The following CAPS2 variants were observed in gnomAD, a reference collection of about 807,000 sequenced individuals.
The protein encoded by CAPS2 is calcyphosine 2, also known as calcyphosin-2.
A neutral mutation model predicts 86.5 loss-of-function variants in CAPS2; 98 were observed. The observed-to-expected ratio is 1.13, with a 90% confidence interval of 0.96 to 1.34. The LOEUF (loss-of-function observed/expected upper bound fraction) is 1.34, where lower values mean the gene tolerates loss of function less well. Among genes scored for constraint, CAPS2 ranks in the 40% most tolerant of loss-of-function variants. CAPS2 has a pLI of 0.00. For missense variants in CAPS2, 729 were observed against 686.8 expected, an observed-to-expected ratio of 1.06 and a Z score of -0.69; for synonymous variants, 210 against 225.1, an observed-to-expected ratio of 0.93 and a Z score of 0.60.
chr12:75,340,140 T>C (rs1483890237), intron 1 of CAPS2, among the ~76,000 whole-genome samples: 2 of 149,824 alleles, frequency 1.3e-5, no homozygotes, highest in Non-Finnish European at 3.0e-5. Context: ...TACACACATA[T>C]ATATAAAATA....
Position 75,388,221 on chromosome 12 carries a change from A to T in CAPS2, c.-395+2617T>A, listed in dbSNP as rs552450337. ...GGTCTCTTGGCTGCCACCATGTAAGATGTCCCTTTGCTCCTCCTTCGTCTT... is the reference window on the plus strand; with the variant it reads ...GGTCTCTTGGCTGCCACCATGTAAGTTGTCCCTTTGCTCCTCCTTCGTCTT... On this transcript the variant is annotated intron_variant, in intron 1 of 5. Transcript: ENST00000551829. Among the ~76,000 whole-genome samples, 3 of 152,206 alleles carry T rather than the reference A, an allele frequency of 2.0e-5. No individual in the cohort carries two copies. In the East Asian group the frequency reaches 5.8e-4, roughly 29 times the overall value.
At chr12:75,340,303 C>T (rs1216463334) in intron 1 of CAPS2, among the ~76,000 whole-genome samples, 2 of 151,712 alleles carry the variant, frequency 1.3e-5, no homozygotes, top group Non-Finnish European at 2.9e-5. Flanking sequence ...ACGTATTTTC[C>T]TCTGCGTAGA....
intron 1 of CAPS2, among the ~76,000 whole-genome samples, chr12:75,339,872 G>A (rs2041987200): frequency 6.6e-6 from 1 of 151,940 alleles, no homozygotes; most frequent in Non-Finnish European, 1.5e-5. Context: ...TGCACCCATC[G>A]CCCAAGCAGT....
downstream of CAPS2, chr12:75,276,129 A>G: frequency 7.0e-7 from 1 of 1,429,382 alleles, no homozygotes; most frequent in South Asian, 1.5e-5. Flanking sequence ...TCCACCCTGC[A>G]GATTGTCTTT....
chr12:75,371,478 G>T, intron 1 of CAPS2: 1 of 357,970 alleles, frequency 2.8e-6, no homozygotes, highest in Non-Finnish European at 5.7e-6. Context: ...ACAATACTTT[G>T]CATCCTTCAA....
intron 1 of CAPS2, among the ~76,000 whole-genome samples, chr12:75,363,486 G>A (rs1014490092): frequency 6.6e-6 from 1 of 151,970 alleles, no homozygotes; most frequent in African/African-American, 2.4e-5. Context: ...ATTTTTACTC[G>A]CTTTCATTGA....
intron 8 of CAPS2, among the ~76,000 whole-genome samples, chr12:75,303,544 T>C (rs2038078633): frequency 6.6e-6 from 1 of 152,198 alleles, no homozygotes; most frequent in Non-Finnish European, 1.5e-5. Flanking sequence ...TGTTGTTCTG[T>C]TTTTGATAAT....
rs186709656 is a variant in CAPS2 at position 75,293,404 on chromosome 12, T to A, written c.1045-37A>T. ...AACAGATGAATGAAGCTAGAAAGCATGTAAGAAATAAAATATAACTAACAT... is the reference window on the plus strand; with the variant it reads ...AACAGATGAATGAAGCTAGAAAGCAAGTAAGAAATAAAATATAACTAACAT... On this transcript the variant is annotated intron_variant, in intron 11 of 16. Transcript: ENST00000393284. 2.5e-4 allele frequency: 325 copies of A among 1,312,562 alleles called. 2 individuals carry two copies. The African/African-American group carries it at 4.1e-3, about 17-fold the overall frequency. 81.3% of individuals were successfully genotyped at this position (1,312,562 alleles called of 1,614,324 possible).
intron 1 of CAPS2, among the ~76,000 whole-genome samples, chr12:75,348,914 A>G (rs2042626706): frequency 6.6e-6 from 1 of 152,198 alleles, no homozygotes; most frequent in South Asian, 2.1e-4. Context: ...TAATTCCCCC[A>G]GCTTCCTGTC....
chr12:75,287,801 G>A (rs1388317747), intron 14 of CAPS2, among the ~76,000 whole-genome samples: 1 of 152,160 alleles, frequency 6.6e-6, no homozygotes, highest in Non-Finnish European at 1.5e-5. Context: ...CCCAAGGAGG[G>A]GGTGGTGGGA....
intron 16 of CAPS2, among the ~76,000 whole-genome samples, chr12:75,279,458 A>G (rs975410948): frequency 1.3e-5 from 2 of 152,042 alleles, no homozygotes; most frequent in African/African-American, 4.8e-5. Context: ...GTGACCCTCT[A>G]AAACGTTTTA....
At chr12:75,344,602 A>G (rs2042327751) in intron 1 of CAPS2, among the ~76,000 whole-genome samples, 1 of 152,048 alleles carries the variant, frequency 6.6e-6, no homozygotes, top group Admixed American at 6.6e-5. Flanking sequence ...GCTCTGTGTT[A>G]GTTTCAATAG....
intron 1 of CAPS2, chr12:75,343,617 A>G (rs1238525854): frequency 2.7e-6 from 3 of 1,117,296 alleles, no homozygotes. Flanking sequence ...AGCAAAACTT[A>G]GTTGATTACA....
chr12:75,334,828 A>C, upstream of CAPS2: 1 of 1,614,100 alleles, frequency 6.2e-7, no homozygotes, highest in Non-Finnish European at 8.5e-7. Flanking sequence ...CCCACACTTT[A>C]TAGACAACTG....
upstream of CAPS2, among the ~76,000 whole-genome samples, chr12:75,333,211 T>C (rs140536803): frequency 1.3e-4 from 20 of 151,226 alleles, no homozygotes; most frequent in East Asian, 3.3e-3. Flanking sequence ...TAGACATCTG[T>C]ATCTCTCTCT....
rs1025985391 is a variant in CAPS2 at position 75,321,532 on chromosome 12, T to C, written c.336A>G (p.Lys112=). The C allele has an allele frequency of 3.9e-6, 6 of 1,549,558 alleles. No individual in the cohort carries two copies. In the Admixed American group the frequency reaches 1.2e-4, roughly 30 times the overall value. ...TACATTGCTGATATTTTAGTTTACA[T>C]TTGTCTGTTGGTGCTGGCAAATTTT... Residue 112 remains lysine (K), a synonymous_variant, in exon 5 of 17, where the codon AAA becomes AAG. Coordinates refer to ENST00000393284, the Ensembl canonical transcript of CAPS2.
chr12:75,334,572 C>T (rs1046961685), upstream of CAPS2: 2 of 1,427,366 alleles, frequency 1.4e-6, no homozygotes, highest in East Asian at 2.5e-5. Flanking sequence ...TTCCCCACAG[C>T]GACACTGACA....
intron 16 of CAPS2, among the ~76,000 whole-genome samples, chr12:75,279,761 C>T (rs534134271): frequency 5.8e-4 from 88 of 151,964 alleles, no homozygotes; most frequent in African/African-American, 1.8e-3. Context: ...AATGGTGCTA[C>T]GTAGAGATGG....
At chr12:75,367,112 A>G (rs2044022139) in intron 1 of CAPS2, 1 of 685,664 alleles carries the variant, frequency 1.5e-6, no homozygotes, top group Non-Finnish European at 2.7e-6. Flanking sequence ...AACGTAATGG[A>G]GAAGACACTT....
Sources: gnomAD v4.1 joint callset for allele counts (sites outside exome capture counted in the v4.1 genomes callset) on GRCh38, gnomAD v4.1.1 for gene constraint, MANE v1.5 for transcripts, NCBI Gene and HGNC (gene_info 2026-07-23, HGNC 2026-07-21) for gene names.